RASA1: variants seen among roughly 807,000 people sequenced by gnomAD.
RASA1 encodes the protein RAS p21 protein activator 1, also known as ras GTPase-activating protein 1.
A neutral mutation model predicts 132.2 loss-of-function variants in RASA1; 25 were observed. The ratio of observed to expected loss-of-function variants is 0.19; its 90% CI spans 0.14 to 0.26. RASA1 has a LOEUF of 0.26. Among genes scored for constraint, RASA1 ranks in the 10% least tolerant of loss-of-function variants. The probability of loss-of-function intolerance (pLI) is 1.00; values close to 1 mark genes in which losing one functional copy is unlikely to be tolerated. For synonymous variants in RASA1, 477 were observed against 449.9 expected (o/e 1.06, Z -0.76); for missense variants, 964 against 1,299.2 (o/e 0.74, Z 3.97).
intron 9 of RASA1, among the ~76,000 whole-genome samples, chr5:87,360,027 C>G (rs1404908953): frequency 4.0e-5 from 6 of 151,598 alleles, no homozygotes; most frequent in African/African-American, 1.5e-4. Flanking sequence ...TACTTTGGTT[C>G]TTCTTGCATT....
intron 9 of RASA1, among the ~76,000 whole-genome samples, chr5:87,354,033 C>G (rs1300541444): frequency 6.6e-6 from 1 of 151,956 alleles, no homozygotes; most frequent in Non-Finnish European, 1.5e-5. Flanking sequence ...GGGTACCCAG[C>G]TGCAATTGTA....
chr5:87,385,302 T>G lies in RASA1; in HGVS notation c.2760T>G (p.Asp920Glu). Reference sequence around the variant, plus strand: ...TAGCTGTGCCCAATTCTGTTACAGATTCTCCATCTCCTATTGCTGCAAGAA... The same window carrying G: ...TAGCTGTGCCCAATTCTGTTACAGAGTCTCCATCTCCTATTGCTGCAAGAA... Reference protein sequence around the residue: ...LNPRMFNIISDSPSPIAARTL... With the variant: ...LNPRMFNIISESPSPIAARTL... The change falls in exon 22 of 25, where the codon GAT becomes GAG. Residue 920 changes from aspartate to glutamate, a missense_variant and splice_region_variant. By Grantham distance (45) the Asp-to-Glu change is conservative (BLOSUM62 2). This residue lies in a region of RASA1 where 107 missense variants were observed against 163.8 expected (regional missense o/e 0.65). Transcript: ENST00000274376. The G allele has an allele frequency of 6.2e-7, 1 of 1,600,948 alleles. No individual in the cohort carries two copies.
rs764720303 is a variant in RASA1, at chr5:87,268,690, C to T, written c.239C>T (p.Ala80Val). The change falls in exon 1 of 25, where the codon GCA (alanine) becomes GTA (valine). Residue 80 changes from alanine (A) to valine (V), a missense_variant. This residue lies in a region of RASA1 where 326 missense variants were observed against 275.8 expected (regional missense o/e 1.18). Transcript: ENST00000274376. ...EFLGAGSVAG[A>V]LGGAGLTGGG... is the part of the protein sequence containing the mutation. ...CTAGGAGCCGGGTCTGTGGCAGGGG[C>T]ACTGGGGGGAGCTGGACTGACAGGG... 5 of 1,611,134 alleles carry T rather than the reference C, an allele frequency of 3.1e-6. No homozygotes were observed. The highest frequency in any genetic ancestry group is 4.2e-6 in the Non-Finnish European group (5 of 1,178,894).
chr5:87,382,602 T>C (rs1561327509), intron 20 of RASA1, among the ~76,000 whole-genome samples: 2 of 152,114 alleles, frequency 1.3e-5, no homozygotes, highest in Non-Finnish European at 2.9e-5. Flanking sequence ...TGACAACATA[T>C]CCTCCCTACC....
At chr5:87,316,559 C>G (rs1214032530) in intron 1 of RASA1, among the ~76,000 whole-genome samples, 1 of 152,140 alleles carries the variant, frequency 6.6e-6, no homozygotes, top group Non-Finnish European at 1.5e-5. Context: ...ATCTAAATAT[C>G]TTTCTTCTCT....
In RASA1 at chr5:87,355,153, A is replaced by C. The variant is rs145302571; in HGVS notation, c.1332+1918A>C. Among the ~76,000 whole-genome samples, 52 of 152,312 alleles carry C rather than the reference A, an allele frequency of 3.4e-4. No individual in the cohort carries two copies. In the East Asian group the frequency reaches 9.8e-3, roughly 29 times the overall value. ...TAACTAGCAAGTTATCCAGAAGATAAGTATTGAAGGTGCTAAACAACAGAT... is the reference window on the plus strand; with the variant it reads ...TAACTAGCAAGTTATCCAGAAGATACGTATTGAAGGTGCTAAACAACAGAT... On this transcript the variant is annotated intron_variant, in intron 9 of 24. Coordinates refer to ENST00000274376, the MANE Select transcript of RASA1 (RefSeq NM_002890.3).
intron 22 of RASA1, 39 bp from the exon 23 acceptor site, chr5:87,386,783 GGTTT>G: frequency 1.3e-6 from 2 of 1,529,590 alleles, no homozygotes; most frequent in South Asian, 1.1e-5. Context: ...ATCAAACAGT[GGTTT>G]GTTTCTGGTG....
chr5:87,365,860 AT>A (rs1478674497), intron 11 of RASA1, among the ~76,000 whole-genome samples: 1 of 152,046 alleles, frequency 6.6e-6, no homozygotes, highest in Non-Finnish European at 1.5e-5. Context: ...ACATTTAAAG[AT>A]TTTATGTCAA....
intron 11 of RASA1, among the ~76,000 whole-genome samples, chr5:87,368,012 A>G (rs187377165): frequency 1.3e-5 from 2 of 152,238 alleles, no homozygotes; most frequent in East Asian, 3.9e-4. Flanking sequence ...GTGCTTCATC[A>G]ATCTGAGACC....
chr5:87,385,579 A>G (rs967083228), intron 22 of RASA1, among the ~76,000 whole-genome samples, 190 bp downstream of exon 22: 3 of 152,248 alleles, frequency 2.0e-5, no homozygotes, highest in South Asian at 2.1e-4. Flanking sequence ...TTTAAAAAAC[A>G]CAAATTTAGC....
chr5:87,279,946 C>G (rs1387609493), intron 1 of RASA1, among the ~76,000 whole-genome samples: 1 of 152,176 alleles, frequency 6.6e-6, no homozygotes, highest in Non-Finnish European at 1.5e-5. Context: ...AGTCTGAGGC[C>G]AAAGGCCTGA....
chr5:87,273,400 C>T (rs994097911), intron 1 of RASA1, among the ~76,000 whole-genome samples: 2 of 152,024 alleles, frequency 1.3e-5, no homozygotes, highest in South Asian at 2.1e-4. Context: ...ATTTCTTTTT[C>T]GAGAGAGAAA....
Position 87,268,335 on chromosome 5 carries a change from C to T in RASA1, c.-117C>T, listed in dbSNP as rs1363366530. On this transcript the variant is annotated 5_prime_UTR_variant, in exon 1 of 25. Coordinates refer to ENST00000274376, the MANE Select transcript of RASA1 (RefSeq NM_002890.3). Reference sequence around the variant, plus strand: ...GGCTCTCTCCTTTTGTTGTTGTTTCCTCAGCCTGGGGAGCTGAAGGGGAGA... The same window carrying T: ...GGCTCTCTCCTTTTGTTGTTGTTTCTTCAGCCTGGGGAGCTGAAGGGGAGA... 7.8e-7 allele frequency: 1 copy of T among 1,279,660 alleles called. No individual in the cohort carries two copies. The highest frequency in any genetic ancestry group is 1.6e-5 in the South Asian group (1 of 60,742). The allele number at this position is 1,279,660 out of a possible 1,614,324, so 79.3% of individuals were successfully genotyped here. A position where few individuals can be genotyped will look rare whatever the true frequency, so the allele number is the denominator to read the frequency against.
chr5:87,278,909 CTTT>C (rs58122450), intron 1 of RASA1, among the ~76,000 whole-genome samples: 7 of 84,012 alleles, frequency 8.3e-5, no homozygotes, highest in East Asian at 3.9e-4. Flanking sequence ...CTAATTTGTT[CTTT>C]TTTTTTTTTT....
chr5:87,268,033 T>C lies in RASA1; in HGVS notation c.-419T>C, dbSNP rs999404639. ...CCTCAGCAGCGGCACCGGCGGTGGC[T>C]GCGGTGTGGGTGGCCGGAACTGGGG... On this transcript the variant is annotated 5_prime_UTR_variant, in exon 1 of 25. Coordinates refer to ENST00000274376, the MANE Select transcript of RASA1 (RefSeq NM_002890.3). The C allele has an allele frequency of 2.5e-5, 10 of 402,172 alleles. No homozygotes were observed. The highest frequency in any genetic ancestry group is 6.2e-5 in the African/African-American group (3 of 48,348). 24.9% of individuals were successfully genotyped at this position (402,172 alleles called of 1,614,324 possible).
intron 21 of RASA1, 52 bp from the exon 22 acceptor site, chr5:87,385,249 C>A: frequency 8.9e-7 from 1 of 1,121,292 alleles, no homozygotes; most frequent in Non-Finnish European, 1.4e-6. Flanking sequence ...AATGGTTTAG[C>A]TGGAAGTGCT....
intron 1 of RASA1, among the ~76,000 whole-genome samples, chr5:87,307,829 C>T (rs567533848): frequency 1.3e-5 from 2 of 152,006 alleles, no homozygotes; most frequent in East Asian, 1.9e-4. Flanking sequence ...ACTCTCTCGG[C>T]GTGCGTTACA....
At position 87,374,318 on chromosome 5, in the gene RASA1, T is replaced by C; in HGVS notation, c.1932T>C (p.Phe644=). 1 of 1,603,146 alleles carries C rather than the reference T, an allele frequency of 6.2e-7. No homozygotes were observed. Among genetic ancestry groups the C allele is most frequent in the Non-Finnish European group, 8.5e-7 (1 of 1,173,332 alleles). ...CAGTATGGTCAGAAGAGTTTGTCTT[T>C]GAGTAAGTCTTATTTTATCATTACA... ...QNPVWSEEFV[F]DDLPPDINRF... is the part of the protein sequence containing the mutation. Residue 644 remains phenylalanine, a splice_region_variant and synonymous_variant, in exon 14 of 25, where the codon TTT becomes TTC. Transcript: ENST00000274376.
chr5:87,294,430 C>T (rs1755033696), intron 1 of RASA1: 1 of 152,216 alleles, frequency 6.6e-6, no homozygotes, highest in South Asian at 2.1e-4. Flanking sequence ...CTGCCTTCAC[C>T]TCCCAGGTAA....
Sources: gnomAD v4.1 joint callset for allele counts (sites outside exome capture counted in the v4.1 genomes callset) on GRCh38, gnomAD v4.1.1 for gene constraint, gnomAD v4.1.1 regional missense constraint, MANE v1.5 for transcripts, NCBI Gene and HGNC (gene_info 2026-07-23, HGNC 2026-07-21) for gene names.